The following ENTPD5 variants were observed in gnomAD, a reference collection of about 807,000 sequenced individuals.
The protein encoded by ENTPD5 is ectonucleoside triphosphate diphosphohydrolase 5 (inactive).
Under a neutral mutation model 60.2 loss-of-function variants are expected in ENTPD5, and 49 were observed. That is an observed-to-expected ratio of 0.81 (90% confidence interval 0.65 to 1.03). ENTPD5 has a LOEUF of 1.03. Ranked by LOEUF, ENTPD5 falls within the 50% of genes least tolerant of loss-of-function variation. The probability of loss-of-function intolerance (pLI) is 0.00; values close to 1 mark genes in which losing one functional copy is unlikely to be tolerated. For synonymous variants in ENTPD5, 187 were observed against 185.4 expected (o/e 1.01, Z -0.07); for missense variants, 480 against 507.6 (o/e 0.95, Z 0.52).
At chr14:73,958,757 C>A, downstream of ENTPD5, 1 of 1,456,746 alleles carries the variant, frequency 6.9e-7, no homozygotes, top group Admixed American at 2.3e-5. Context: ...ATGGCTGGCA[C>A]CTGTTCAGTC....
chr14:73,980,420 T>C (rs1023928521), intron 6 of ENTPD5, among the ~76,000 whole-genome samples: 19 of 151,138 alleles, frequency 1.3e-4, no homozygotes, highest in Non-Finnish European at 1.9e-4. Context: ...TGAGCCACCA[T>C]GCCCAGCTAA....
Position 73,977,284 on chromosome 14 carries a change from C to T in ENTPD5, c.517+15G>A. The stretch of plus-strand genomic sequence containing the variant: ...GCCCCTCTCCCCCTGGAACGCATAT[C>T]AACACCTCTCCCACCTTCGTCGGAT... On this transcript the variant is annotated intron_variant, in intron 7 of 15. Coordinates refer to ENST00000334696, the MANE Select transcript of ENTPD5 (RefSeq NM_001249.5). 6.2e-7 allele frequency: 1 copy of T among 1,602,286 alleles called. No individual in the cohort carries two copies. The highest frequency in any genetic ancestry group is 8.5e-7 in the Non-Finnish European group (1 of 1,171,676).
At chr14:73,958,873 ACAAT>A (rs2140400606), downstream of ENTPD5, 4 of 1,560,786 alleles carry the variant, frequency 2.6e-6, no homozygotes, top group East Asian at 9.6e-5. Context: ...CTGCCACACA[ACAAT>A]CAGAGCTGGA....
Position 73,997,311 on chromosome 14 carries a change from G to T in ENTPD5, c.-70-9139C>A, listed in dbSNP as rs1355743402. 1.3e-5 allele frequency among the ~76,000 whole-genome samples: 2 copies of T among 152,090 alleles called. 1 individual carries two copies. Among genetic ancestry groups the T allele is most frequent in the African/African-American group, 4.8e-5 (2 of 41,390 alleles). ...TTCCTTTCCCATAGTGAGATTGATTGTTAGTTATGTCTTTCTGTTGACTCC... is the reference window on the plus strand; with the variant it reads ...TTCCTTTCCCATAGTGAGATTGATTTTTAGTTATGTCTTTCTGTTGACTCC... On this transcript the variant is annotated intron_variant, in intron 3 of 15. Transcript: ENST00000334696.
chr14:73,959,578 G>T, downstream of ENTPD5: 1 of 1,608,962 alleles, frequency 6.2e-7, no homozygotes. Context: ...ACAGAAAGGT[G>T]TTGTTTTTTT....
intron 3 of ENTPD5, among the ~76,000 whole-genome samples, chr14:73,994,708 G>C (rs968870820): frequency 1.3e-5 from 2 of 149,120 alleles, no homozygotes; most frequent in Non-Finnish European, 3.0e-5. Flanking sequence ...TCCAGCCTGG[G>C]CGACAGAGCG....
At chr14:73,987,330 T>C (rs1378797655) in intron 4 of ENTPD5, among the ~76,000 whole-genome samples, 2 of 152,192 alleles carry the variant, frequency 1.3e-5, no homozygotes, top group African/African-American at 4.8e-5. Flanking sequence ...ACTATTCTTT[T>C]TGAACACATG....
In ENTPD5 at chr14:73,983,042, G is replaced by C. The variant is rs1489981279; in HGVS notation, c.417C>G (p.His139Gln). Residue 139 changes from histidine (H) to glutamine (Q), a missense_variant, in exon 6 of 16, where the codon CAC (histidine) becomes CAG (glutamine). Transcript: ENST00000334696. ...CCTCAAAGAGCAGAGCCTTGGCTTT[G>C]TGTTCTGGCAGTAAGCGTAGTCCTG... Reference protein sequence around the residue: ...ATAGLRLLPEHKAKALLFEVK... With the variant: ...ATAGLRLLPEQKAKALLFEVK... The C allele has an allele frequency of 6.2e-7, 1 of 1,614,164 alleles. No homozygotes were observed.
intron 1 of ENTPD5, chr14:74,018,700 C>G (rs1214690732): frequency 2.6e-5 from 4 of 152,130 alleles, no homozygotes; most frequent in Admixed American, 2.0e-4. Flanking sequence ...CTAGTGAGGC[C>G]GAGGACCCTG....
At chr14:73,991,621 A>AG in intron 3 of ENTPD5, among the ~76,000 whole-genome samples, 1 of 132,964 alleles carries the variant, frequency 7.5e-6, no homozygotes, top group South Asian at 2.7e-4. Context: ...AAAAAAAAAA[A>AG]AAAAACAATT....
At chr14:73,989,873 G>A (rs1190984882) in intron 3 of ENTPD5, among the ~76,000 whole-genome samples, 4 of 150,342 alleles carry the variant, frequency 2.7e-5, no homozygotes, top group African/African-American at 9.8e-5. Flanking sequence ...CGGGCTTGGT[G>A]GCAGGTGCCT....
downstream of ENTPD5, chr14:73,956,152 G>A (rs1594794019): frequency 1.9e-5 from 9 of 463,926 alleles, no homozygotes; most frequent in Middle Eastern, 6.8e-4. Flanking sequence ...GTGAAACCCT[G>A]TCTCTACTAA....
chr14:73,961,213 G>C (rs754260614), downstream of ENTPD5: 1 of 1,614,036 alleles, frequency 6.2e-7, no homozygotes, highest in Non-Finnish European at 8.5e-7. Flanking sequence ...GACACAGCTG[G>C]TGCCATGCTG....
Position 73,965,639 on chromosome 14 carries a change from T to C in ENTPD5, c.*1289A>G, listed in dbSNP as rs1403931317. 1.3e-5 allele frequency: 2 copies of C among 152,198 alleles called. No individual in the cohort carries two copies. Among genetic ancestry groups the C allele is most frequent in the Non-Finnish European group, 2.9e-5 (2 of 68,098 alleles). 9.4% of individuals were successfully genotyped at this position (152,198 alleles called of 1,614,324 possible). On this transcript the variant is annotated 3_prime_UTR_variant, in exon 16 of 16. Coordinates refer to ENST00000334696, the MANE Select transcript of ENTPD5 (RefSeq NM_001249.5). Reference sequence around the variant, plus strand: ...TCAGGAGGCTGAGAACAAGAATCGCTTGAACCTGGGGGCGGAGGTTGCAGT... The same window carrying C: ...TCAGGAGGCTGAGAACAAGAATCGCCTGAACCTGGGGGCGGAGGTTGCAGT...
chr14:73,971,427 G>T (rs1039444151), intron 14 of ENTPD5, among the ~76,000 whole-genome samples: 5 of 152,164 alleles, frequency 3.3e-5, no homozygotes, highest in African/African-American at 7.2e-5. Context: ...AAAATGCTGG[G>T]ATTACAGGCG....
intron 8 of ENTPD5, among the ~76,000 whole-genome samples, 163 bp downstream of exon 8, chr14:73,976,861 C>T (rs1418301427): frequency 6.6e-6 from 1 of 152,198 alleles, no homozygotes; most frequent in East Asian, 1.9e-4. Flanking sequence ...CCAACTCAGC[C>T]TCCCAAAGCG....
chr14:73,989,237 T>G (rs1340128662), intron 3 of ENTPD5, among the ~76,000 whole-genome samples: 1 of 152,086 alleles, frequency 6.6e-6, no homozygotes, highest in African/African-American at 2.4e-5. Context: ...ACGACCAGCT[T>G]TGGCAACATA....
chr14:73,970,637 A>G (rs1242941637), intron 14 of ENTPD5, among the ~76,000 whole-genome samples: 1 of 152,174 alleles, frequency 6.6e-6, no homozygotes, highest in Non-Finnish European at 1.5e-5. Context: ...TGGTATGATT[A>G]TCTATTCACA....
rs562138804 is a variant in ENTPD5, at chr14:73,965,853, T to C, written c.*1075A>G. On this transcript the variant is annotated 3_prime_UTR_variant, in exon 16 of 16. Transcript: ENST00000334696. ...TGGAAATGTTGGTCCACTGTACTGATGTGGGCTGAGAGAGCCAACCAAATC... is the reference window on the plus strand; with the variant it reads ...TGGAAATGTTGGTCCACTGTACTGACGTGGGCTGAGAGAGCCAACCAAATC... 3 of 152,364 alleles carry C rather than the reference T, an allele frequency of 2.0e-5. No homozygotes were observed. The South Asian group carries it at 6.2e-4, about 32-fold the overall frequency. The allele number at this position is 152,364 out of a possible 1,614,324, so 9.4% of individuals were successfully genotyped here.
Sources: allele counts gnomAD v4.1 joint callset (sites outside exome capture counted in the v4.1 genomes callset), GRCh38; gene constraint gnomAD v4.1.1; transcripts MANE v1.5; gene names NCBI Gene and HGNC (gene_info 2026-07-23, HGNC 2026-07-21).